PCDHGA9: variants seen among roughly 807,000 people sequenced by gnomAD.
PCDHGA9 encodes protocadherin gamma subfamily A, 9.
A neutral mutation model predicts 62.5 loss-of-function variants in PCDHGA9; 37 were observed. The observed-to-expected ratio is 0.59, with a 90% CI of 0.46 to 0.78. The LOEUF (loss-of-function observed/expected upper bound fraction) is 0.78. Ranked by LOEUF, PCDHGA9 falls within the 30% of genes least tolerant of loss-of-function variation. The probability of loss-of-function intolerance (pLI) is 0.00; values close to 1 mark genes in which losing one functional copy is unlikely to be tolerated. For synonymous variants in PCDHGA9, 459 were observed against 484.6 expected (o/e 0.95, Z 0.69); for missense variants, 1,138 against 1,166.2 (o/e 0.98, Z 0.35).
intron 1 of PCDHGA9, among the ~76,000 whole-genome samples, chr5:141,463,438 CTTTTT>C (rs71576115): frequency 7.7e-5 from 8 of 103,256 alleles, no homozygotes; most frequent in African/African-American, 2.7e-4. Flanking sequence ...TTTCCTTCTC[CTTTTT>C]TTTTTTTTTT....
intron 1 of PCDHGA9, among the ~76,000 whole-genome samples, chr5:141,436,749 C>T (rs2097844674): frequency 6.6e-6 from 1 of 152,154 alleles, no homozygotes; most frequent in Admixed American, 6.5e-5. Flanking sequence ...TGTGCTTCTC[C>T]ATATGGTATA....
chr5:141,427,199 A>G (rs900332017), intron 1 of PCDHGA9: 5 of 456,766 alleles, frequency 1.1e-5, no homozygotes, highest in Non-Finnish European at 2.2e-5. Context: ...AAGACTTAAT[A>G]GACTTCGAAT....
In PCDHGA9 at chr5:141,423,113, C is replaced by G. The variant is rs2096710947; in HGVS notation, c.2424+17737C>G. On this transcript the variant is annotated intron_variant, in intron 1 of 3. Coordinates refer to ENST00000573521, the MANE Select transcript of PCDHGA9 (RefSeq NM_018921.3). The stretch of plus-strand genomic sequence containing the variant: ...GGGGAGCACACGGGCGAGGTGCGTA[C>G]AGCGCGGGCACTGCTGGACAGAGAC... The G allele has an allele frequency of 1.9e-6, 3 of 1,613,702 alleles. No homozygotes were observed. The highest frequency in any genetic ancestry group is 2.5e-6 in the Non-Finnish European group (3 of 1,179,992).
intron 1 of PCDHGA9, chr5:141,478,153 T>G (rs1477175391): frequency 3.1e-6 from 5 of 1,613,934 alleles, no homozygotes; most frequent in Middle Eastern, 1.6e-4. Flanking sequence ...AGTTCCCCTC[T>G]GGCTCTGCCC....
At chr5:141,418,828 C>G in intron 1 of PCDHGA9, 1 of 1,613,978 alleles carries the variant, frequency 6.2e-7, no homozygotes, top group Non-Finnish European at 8.5e-7. Flanking sequence ...AAGCAAAAGA[C>G]CGAGGATCTC....
chr5:141,491,327 T>C lies in PCDHGA9; in HGVS notation c.2425-3480T>C, dbSNP rs1422115943. ...TCAGACCTTACCCTTTACCTCATTG[T>C]GGCTCTAGCGACCGTCAGTCTCTTA... is the stretch of plus-strand genomic sequence containing the variant. On this transcript the variant is annotated intron_variant, in intron 1 of 3. Coordinates refer to ENST00000573521, the MANE Select transcript of PCDHGA9 (RefSeq NM_018921.3). This position sits in a 1 kb window ranked among gnomAD's most constrained non-coding sequence, Gnocchi z 6.9. 5.6e-6 allele frequency: 9 copies of C among 1,614,098 alleles called. No homozygotes were observed. Among genetic ancestry groups the C allele is most frequent in the Admixed American group, 3.3e-5 (2 of 60,006 alleles).
intron 1 of PCDHGA9, chr5:141,441,824 G>A (rs1561905347): frequency 5.6e-6 from 2 of 356,750 alleles, no homozygotes; most frequent in South Asian, 4.7e-5. Flanking sequence ...GCTCTGGAGC[G>A]CAATGGCTTC....
chr5:141,422,406 T>C, intron 1 of PCDHGA9: 1 of 1,601,224 alleles, frequency 6.2e-7, no homozygotes, highest in South Asian at 1.1e-5. Context: ...ACCTGCCTTT[T>C]AAATTAGAAA....
intron 1 of PCDHGA9, among the ~76,000 whole-genome samples, chr5:141,448,712 G>A (rs1439461223): frequency 1.3e-5 from 2 of 152,004 alleles, no homozygotes; most frequent in African/African-American, 2.4e-5. Flanking sequence ...AGGCCGAGGC[G>A]GGAGGATCAC....
At chr5:141,494,714 C>G in intron 1 of PCDHGA9, 93 bp from the exon 2 acceptor site, 2 of 1,603,958 alleles carry the variant, frequency 1.2e-6, no homozygotes, top group East Asian at 4.5e-5. Context: ...TGTGCCCACT[C>G]CCCTCCTTCT....
In PCDHGA9 at chr5:141,490,647, G is replaced by T; in HGVS notation, c.2425-4160G>T. 6.2e-7 allele frequency: 1 copy of T among 1,614,084 alleles called. No homozygotes were observed. Among genetic ancestry groups the T allele is most frequent in the Non-Finnish European group, 8.5e-7 (1 of 1,180,014 alleles). ...CTTACATCCTAGAAAACCGGCCTCCGGGCTCCCTTCTTTGCACTGTGGCTG... is the reference window on the plus strand; with the variant it reads ...CTTACATCCTAGAAAACCGGCCTCCTGGCTCCCTTCTTTGCACTGTGGCTG... On this transcript the variant is annotated intron_variant, in intron 1 of 3. Transcript: ENST00000573521. This position sits in a 1 kb window ranked among gnomAD's most constrained non-coding sequence, Gnocchi z 5.4.
intron 1 of PCDHGA9, chr5:141,441,844 G>T: frequency 2.8e-6 from 1 of 355,710 alleles, no homozygotes. Context: ...CGCGCTCTTG[G>T]ATATGGTGCT....
In PCDHGA9 at chr5:141,403,145, C is replaced by T. The variant is rs749236674; in HGVS notation, c.193C>T (p.Arg65Cys). 4 of 1,613,920 alleles carry T rather than the reference C, an allele frequency of 2.5e-6. No individual in the cohort carries two copies. The highest frequency in any genetic ancestry group is 1.3e-5 in the African/African-American group (1 of 74,946). The change falls in exon 1 of 4, where the codon CGC becomes TGC. Residue 65 changes from arginine to cysteine, a missense_variant. Physicochemically the swap from Arg to Cys is radical, Grantham distance 180. Transcript: ENST00000573521. ...EPRELAERRV[R>C]IVSRGRTQLF... ...CCGGGAGCTGGCGGAGCGCCGAGTC[C>T]GCATCGTCTCTAGAGGTAGGACGCA...
intron 1 of PCDHGA9, chr5:141,415,216 A>C: frequency 6.2e-7 from 1 of 1,614,086 alleles, no homozygotes; most frequent in African/African-American, 1.3e-5. Flanking sequence ...GGACCTCGGC[A>C]GCTTCGAGTC....
At chr5:141,450,152 A>G (rs958894990) in intron 1 of PCDHGA9, among the ~76,000 whole-genome samples, 1 of 151,132 alleles carries the variant, frequency 6.6e-6, no homozygotes, top group East Asian at 2.0e-4. Context: ...GACTACAGGC[A>G]TGTGCCACCA....
chr5:141,409,900 T>G (rs756245078), intron 1 of PCDHGA9: 1 of 1,613,144 alleles, frequency 6.2e-7, no homozygotes, highest in Non-Finnish European at 8.5e-7. Flanking sequence ...TGTACCCAGC[T>G]CTGGGTCCTG....
intron 1 of PCDHGA9, chr5:141,417,639 C>G: frequency 1.3e-6 from 1 of 745,670 alleles, no homozygotes; most frequent in Non-Finnish European, 2.1e-6. Flanking sequence ...CGCCGGGGAT[C>G]CCTCAGCCTC....
chr5:141,415,873 G>A lies in PCDHGA9; in HGVS notation c.2424+10497G>A, dbSNP rs905638480. The A allele has an allele frequency of 9.6e-6, 10 of 1,046,220 alleles. No homozygotes were observed. In the East Asian group the frequency reaches 1.8e-4, roughly 19 times the overall value. The allele number at this position is 1,046,220 out of a possible 1,614,324, so 64.8% of individuals were successfully genotyped here. A position where few individuals can be genotyped will look rare whatever the true frequency, so the allele number is the denominator to read the frequency against. On this transcript the variant is annotated intron_variant, in intron 1 of 3. Transcript: ENST00000573521. ...ACCTTGTAGTTTATAGTGTTGTTGA[G>A]TACAATATTGACAATTCCTAAGACA...
At chr5:141,494,232 A>T (rs2099752983) in intron 1 of PCDHGA9, among the ~76,000 whole-genome samples, 1 of 152,168 alleles carries the variant, frequency 6.6e-6, no homozygotes, top group African/African-American at 2.4e-5. Flanking sequence ...TCCTAAATTA[A>T]TAATGTATTT....
Sources: gnomAD v4.1 joint callset for allele counts (sites outside exome capture counted in the v4.1 genomes callset) on GRCh38, gnomAD v4.1.1 for gene constraint, Gnocchi (gnomAD v3.1) non-coding constraint, MANE v1.5 for transcripts, NCBI Gene and HGNC (gene_info 2026-07-23, HGNC 2026-07-21) for gene names.